CACNB2: variants seen among roughly 807,000 people sequenced by gnomAD.
CACNB2 encodes voltage-dependent L-type calcium channel subunit beta-2.
In CACNB2, 42 loss-of-function variants were observed where a neutral mutation model predicts 73.3. The observed-to-expected ratio is 0.57, with a 90% CI of 0.45 to 0.74. CACNB2 has a LOEUF of 0.74. CACNB2 is among the 30% of genes least tolerant of loss of function. The pLI is 0.00. For synonymous variants in CACNB2, 348 were observed against 310.3 expected, an observed-to-expected ratio of 1.12 and a Z score of -1.28; for missense variants, 940 against 853.0, an observed-to-expected ratio of 1.10 and a Z score of -1.27.
At chr10:18,456,345 C>T (rs1222377587) in intron 3 of CACNB2, among the ~76,000 whole-genome samples, 1 of 152,076 alleles carries the variant, frequency 6.6e-6, no homozygotes, top group Non-Finnish European at 1.5e-5. Context: ...CACCTGTAAT[C>T]CCAGCTACTT....
intron 2 of CACNB2, among the ~76,000 whole-genome samples, chr10:18,254,646 G>T (rs1435071370): frequency 2.0e-5 from 3 of 152,204 alleles, no homozygotes; most frequent in Admixed American, 1.3e-4. Context: ...TTCTGTAGAA[G>T]CTGGAATGAA....
chr10:18,432,275 A>G (rs10741061), intron 3 of CACNB2, among the ~76,000 whole-genome samples: 135,440 of 152,196 alleles, frequency 0.89, 60,623 homozygotes, highest in African/African-American at 0.97. Flanking sequence ...GTTAAATGTG[A>G]CAACAAATCT....
chr10:18,190,483 G>T (rs1449957392), intron 2 of CACNB2, among the ~76,000 whole-genome samples: 1 of 152,132 alleles, frequency 6.6e-6, no homozygotes, highest in Non-Finnish European at 1.5e-5. Context: ...GCAAACAATT[G>T]CTTCAAACAA....
At chr10:18,442,597 A>C (rs1350192193) in intron 3 of CACNB2, among the ~76,000 whole-genome samples, 4 of 151,452 alleles carry the variant, frequency 2.6e-5, no homozygotes, top group African/African-American at 7.3e-5. Flanking sequence ...GAGGCCAAGG[A>C]GGGCAGATCA....
chr10:18,290,112 C>CTTT lies in CACNB2; in HGVS notation c.214-111787_214-111785dup, dbSNP rs992393946. Among the ~76,000 whole-genome samples the CTTT allele has an allele frequency of 9.2e-4, 46 of 50,144 alleles. 6 individuals carry two copies. The highest frequency in any genetic ancestry group is 1.8e-3 in the African/African-American group (26 of 14,822). 32.9% of individuals were successfully genotyped at this position (50,144 alleles called of 152,430 possible). A position where few individuals can be genotyped will look rare whatever the true frequency, so the allele number is the denominator to read the frequency against. On this transcript the variant is annotated intron_variant, in intron 2 of 13. Coordinates refer to ENST00000324631, the MANE Select transcript of CACNB2 (RefSeq NM_201596.3). The stretch of plus-strand genomic sequence containing the variant: ...TAAAGTTTTTTTCTTTTTTCTTTTT[C>CTTT]TTTTTTTTTTTTTTTTTTTTTTTTT...
chr10:18,177,883 T>C (rs1487285272), intron 2 of CACNB2, among the ~76,000 whole-genome samples: 1 of 152,236 alleles, frequency 6.6e-6, no homozygotes, highest in Admixed American at 6.5e-5. Flanking sequence ...TAAGCTTAAC[T>C]TTCCATTTGG....
At chr10:18,220,114 TATATATATATATATATATATA>T (rs769881727) in intron 2 of CACNB2, among the ~76,000 whole-genome samples, 13,245 of 38,004 alleles carry the variant, frequency 0.35, 2,776 homozygotes, top group African/African-American at 0.55. Context: ...TTTTTTAATA[TATATATATATATATATATATA>T]TATATATATA....
chr10:18,257,795 G>T (rs1296299123), intron 2 of CACNB2, among the ~76,000 whole-genome samples: 1 of 152,202 alleles, frequency 6.6e-6, no homozygotes, highest in Non-Finnish European at 1.5e-5. Flanking sequence ...CCAGGCTGGA[G>T]TGCAGTGGCA....
intron 3 of CACNB2, among the ~76,000 whole-genome samples, chr10:18,485,351 C>A (rs2049000402): frequency 6.6e-6 from 1 of 152,002 alleles, no homozygotes; most frequent in Non-Finnish European, 1.5e-5. Flanking sequence ...ATGGCTATGA[C>A]CTGGTTCCTG....
intron 2 of CACNB2, among the ~76,000 whole-genome samples, chr10:18,278,742 C>T (rs1009285010): frequency 6.6e-6 from 1 of 151,920 alleles, no homozygotes; most frequent in Non-Finnish European, 1.5e-5. Flanking sequence ...ACTTCTAGGG[C>T]GCAGTGACCA....
chr10:18,241,534 G>C (rs1367529531), intron 2 of CACNB2, among the ~76,000 whole-genome samples: 2 of 151,706 alleles, frequency 1.3e-5, no homozygotes, highest in African/African-American at 4.8e-5. Context: ...GTATACCTAT[G>C]TAAGAAACCT....
intron 2 of CACNB2, among the ~76,000 whole-genome samples, chr10:18,391,925 CAA>C (rs34698093): frequency 4.0e-3 from 336 of 84,576 alleles, no homozygotes; most frequent in African/African-American, 0.015. Context: ...AAGACCCTGT[CAA>C]AAAAAAAAAA....
chr10:18,420,062 C>T (rs1231523605), intron 3 of CACNB2, among the ~76,000 whole-genome samples: 3 of 152,254 alleles, frequency 2.0e-5, no homozygotes, highest in Admixed American at 2.0e-4. Context: ...GCGTGCCCAA[C>T]CCCCTGGGAA....
At chr10:18,305,685 T>C (rs953248637) in intron 2 of CACNB2, among the ~76,000 whole-genome samples, 1 of 152,168 alleles carries the variant, frequency 6.6e-6, no homozygotes, top group African/African-American at 2.4e-5. Flanking sequence ...CCTCCTAATT[T>C]GTAAGTGTTG....
At chr10:18,251,404 C>T (rs558886277) in intron 2 of CACNB2, among the ~76,000 whole-genome samples, 6 of 152,070 alleles carry the variant, frequency 3.9e-5, no homozygotes, top group Non-Finnish European at 8.8e-5. Context: ...CCTGCCACAA[C>T]GCCCAGCCAA....
At chr10:18,415,599 T>C (rs1284309219) in intron 3 of CACNB2, among the ~76,000 whole-genome samples, 3 of 152,136 alleles carry the variant, frequency 2.0e-5, no homozygotes, top group Non-Finnish European at 4.4e-5. Context: ...AAGCCCCCAC[T>C]GTTAGTGACT....
At chr10:18,373,542 G>T (rs2042672899) in intron 2 of CACNB2, among the ~76,000 whole-genome samples, 1 of 152,154 alleles carries the variant, frequency 6.6e-6, no homozygotes. Context: ...ATGTGCCCAA[G>T]ATCACATAGT....
At chr10:18,233,731 T>C (rs905207285) in intron 2 of CACNB2, among the ~76,000 whole-genome samples, 4 of 152,192 alleles carry the variant, frequency 2.6e-5, no homozygotes, top group African/African-American at 4.8e-5. Flanking sequence ...CAGGCATCTT[T>C]CAAGCTCCCG....
intron 2 of CACNB2, among the ~76,000 whole-genome samples, chr10:18,351,751 A>C (rs942838207): frequency 2.0e-5 from 3 of 152,226 alleles, no homozygotes; most frequent in Non-Finnish European, 1.5e-5. Context: ...GAATTAGGAA[A>C]GTTTTTCACA....
Sources: gnomAD v4.1 joint callset for allele counts (sites outside exome capture counted in the v4.1 genomes callset) on GRCh38, gnomAD v4.1.1 for gene constraint, MANE v1.5 for transcripts, NCBI Gene and HGNC (gene_info 2026-07-23, HGNC 2026-07-21) for gene names.